The following RBFOX1 variants were observed in gnomAD, a reference collection of about 807,000 sequenced individuals.
RBFOX1 encodes RNA binding fox-1 homolog 1.
In RBFOX1, 8 loss-of-function variants were observed where a neutral mutation model predicts 57.7. The observed-to-expected ratio is 0.14, with a 90% CI of 0.08 to 0.25. The LOEUF is 0.25. Among genes scored for constraint, RBFOX1 ranks in the 10% least tolerant of loss-of-function variants. The pLI, the probability that RBFOX1 is intolerant of heterozygous loss-of-function variation, is 1.00. For synonymous variants in RBFOX1, 326 were observed against 222.4 expected (o/e 1.47, Z -4.15); for missense variants, 611 against 548.5 (o/e 1.11, Z -1.14).
At chr16:6,192,719 G>A (rs1332011568) in intron 1 of RBFOX1, among the ~76,000 whole-genome samples, 1 of 152,160 alleles carries the variant, frequency 6.6e-6, no homozygotes, top group African/African-American at 2.4e-5. Context: ...AATCAGCAAT[G>A]ATAATTGTAC....
chr16:7,195,752 C>A (rs890175853), intron 4 of RBFOX1, among the ~76,000 whole-genome samples: 1 of 152,058 alleles, frequency 6.6e-6, no homozygotes, highest in African/African-American at 2.4e-5. Flanking sequence ...GGGATTTCAC[C>A]GTGTTGGCCA....
chr16:7,307,405 G>T (rs964551815), intron 4 of RBFOX1, among the ~76,000 whole-genome samples: 7 of 152,212 alleles, frequency 4.6e-5, no homozygotes, highest in African/African-American at 1.4e-4. Context: ...CAGCATCGGA[G>T]TCTACTCTGA....
chr16:6,233,227 C>A (rs17817199), intron 1 of RBFOX1, among the ~76,000 whole-genome samples: 4 of 151,986 alleles, frequency 2.6e-5, no homozygotes, highest in African/African-American at 9.6e-5. Context: ...TTCAGAGAGG[C>A]CCCTTTAGCT....
intron 4 of RBFOX1, among the ~76,000 whole-genome samples, chr16:7,487,051 C>T (rs775855160): frequency 9.9e-5 from 15 of 152,136 alleles, no homozygotes; most frequent in Admixed American, 9.8e-4. Flanking sequence ...AGGTACCTGC[C>T]ATCATGCCCA....
At chr16:6,922,881 G>A (rs1035940868) in intron 3 of RBFOX1, among the ~76,000 whole-genome samples, 1 of 152,134 alleles carries the variant, frequency 6.6e-6, no homozygotes, top group African/African-American at 2.4e-5. Flanking sequence ...TGTACCTTGG[G>A]AAGTCTTAAA....
chr16:6,079,180 C>A (rs1281273853), intron 1 of RBFOX1, among the ~76,000 whole-genome samples: 1 of 152,050 alleles, frequency 6.6e-6, no homozygotes, highest in Non-Finnish European at 1.5e-5. Context: ...GCATTACATG[C>A]CTGTAATCCC....
intron 3 of RBFOX1, among the ~76,000 whole-genome samples, chr16:7,029,097 C>T (rs1236847390): frequency 0.016 from 1,209 of 74,354 alleles, 179 homozygotes; most frequent in African/African-American, 0.084. Context: ...CACACACACA[C>T]ACACACACAC....
chr16:5,654,574 C>T (rs1183684135), intron 3 of RBFOX1, among the ~76,000 whole-genome samples: 1 of 152,150 alleles, frequency 6.6e-6, no homozygotes, highest in Non-Finnish European at 1.5e-5. Flanking sequence ...CTGTCCTGTG[C>T]TGGATGTGAA....
chr16:7,634,405 C>T (rs183956092), intron 11 of RBFOX1, among the ~76,000 whole-genome samples: 1 of 147,676 alleles, frequency 6.8e-6, no homozygotes, highest in Non-Finnish European at 1.5e-5. Context: ...TTTTTCGAGA[C>T]TTAAATTGTA....
At chr16:6,683,777 C>G (rs2059023568) in intron 3 of RBFOX1, among the ~76,000 whole-genome samples, 1 of 152,148 alleles carries the variant, frequency 6.6e-6, no homozygotes, top group Non-Finnish European at 1.5e-5. Context: ...TGCGGTCAGA[C>G]ATACCTGGAT....
At chr16:5,845,503 C>T (rs1011738384) in intron 3 of RBFOX1, among the ~76,000 whole-genome samples, 1 of 152,138 alleles carries the variant, frequency 6.6e-6, no homozygotes, top group South Asian at 2.1e-4. Flanking sequence ...GAGATGTGAG[C>T]AGGAAATTGA....
chr16:6,392,051 C>T (rs932514002), intron 2 of RBFOX1, among the ~76,000 whole-genome samples: 6 of 152,082 alleles, frequency 3.9e-5, no homozygotes, highest in African/African-American at 9.7e-5. Context: ...AAGAGGAAAC[C>T]GTAGGAGATA....
chr16:5,627,244 C>G (rs948714057), intron 3 of RBFOX1, among the ~76,000 whole-genome samples: 5 of 152,106 alleles, frequency 3.3e-5, no homozygotes, highest in African/African-American at 7.2e-5. Context: ...TGTAGTGGCA[C>G]CAAATTACCA....
chr16:6,999,282 C>T (rs974250343), intron 3 of RBFOX1, among the ~76,000 whole-genome samples: 1 of 143,768 alleles, frequency 7.0e-6, no homozygotes, highest in Non-Finnish European at 1.5e-5. Context: ...GTCCTGAACT[C>T]CTGGGTTCAA....
chr16:6,569,514 C>T (rs1490677891), intron 2 of RBFOX1, among the ~76,000 whole-genome samples: 3 of 152,198 alleles, frequency 2.0e-5, no homozygotes, highest in East Asian at 1.9e-4. Flanking sequence ...ATGGAAGTGT[C>T]CTAGACAGAC....
At chr16:6,232,878 A>G (rs567851159) in intron 1 of RBFOX1, among the ~76,000 whole-genome samples, 32 of 152,252 alleles carry the variant, frequency 2.1e-4, no homozygotes, top group Non-Finnish European at 4.0e-4. Context: ...CTGCACATGT[A>G]GCATCCACAT....
intron 4 of RBFOX1, among the ~76,000 whole-genome samples, chr16:7,098,048 C>A (rs2061997148): frequency 6.6e-6 from 1 of 152,148 alleles, no homozygotes; most frequent in Admixed American, 6.5e-5. Flanking sequence ...CAAGTAAAGC[C>A]AGTGTTGTCA....
At chr16:6,337,601 T>G (rs919885023) in intron 2 of RBFOX1, among the ~76,000 whole-genome samples, 5 of 152,198 alleles carry the variant, frequency 3.3e-5, no homozygotes, top group African/African-American at 1.2e-4. Flanking sequence ...GAGGCAGATA[T>G]ATAGGCTACA....
Position 5,307,749 on chromosome 16 carries a change from C to T in RBFOX1, c.219+67644C>T, listed in dbSNP as rs373132134. Among the ~76,000 whole-genome samples, 208 of 152,286 alleles carry T rather than the reference C, an allele frequency of 1.4e-3. 8 individuals carry two copies. The South Asian group carries it at 0.041, about 30-fold the overall frequency. ...GGAGTGCAGGCACCATCATATCTTA[C>T]GGCAACCTCAAAATCCAGGGCTTAA... On this transcript the variant is annotated intron_variant, in intron 1 of 2. Coordinates refer to the RBFOX1 transcript ENST00000585867.
Sources: gnomAD v4.1 joint callset for allele counts (sites outside exome capture counted in the v4.1 genomes callset) on GRCh38, gnomAD v4.1.1 for gene constraint, MANE v1.5 for transcripts, NCBI Gene and HGNC (gene_info 2026-07-23, HGNC 2026-07-21) for gene names.